Variants in ANKS1B observed in about 807,000 individuals in gnomAD.
ANKS1B encodes the protein ankyrin repeat and sterile alpha motif domain-containing protein 1B.
In ANKS1B, 36 loss-of-function variants were observed where a neutral mutation model predicts 148.3. The ratio of observed to expected loss-of-function variants is 0.24; its 90% CI spans 0.19 to 0.32. ANKS1B has a LOEUF of 0.32. ANKS1B is among the 10% of genes least tolerant of loss of function. The pLI is 1.00. For synonymous variants in ANKS1B, 542 were observed against 560.8 expected, an observed-to-expected ratio of 0.97 and a Z score of 0.47; for missense variants, 1,157 against 1,542.6, an observed-to-expected ratio of 0.75 and a Z score of 4.19.
chr12:99,218,440 GC>G (rs1383024649), intron 14 of ANKS1B, among the ~76,000 whole-genome samples: 1 of 152,144 alleles, frequency 6.6e-6, no homozygotes, highest in Non-Finnish European at 1.5e-5. Flanking sequence ...AGGTCCTGAA[GC>G]CTCTGCAATC....
intron 17 of ANKS1B, among the ~76,000 whole-genome samples, chr12:99,033,895 A>T (rs1436472902): frequency 3.3e-5 from 5 of 152,322 alleles, no homozygotes; most frequent in Admixed American, 3.3e-4. Flanking sequence ...ACTGGTAGTG[A>T]TCCCTATTAG....
intron 8 of ANKS1B, among the ~76,000 whole-genome samples, chr12:99,690,799 C>CA (rs2098675148): frequency 6.6e-6 from 1 of 152,096 alleles, no homozygotes; most frequent in South Asian, 2.1e-4. Flanking sequence ...TCTATGATTC[C>CA]GAGGTTTGGA....
chr12:99,380,804 T>TTC (rs1566991383), intron 12 of ANKS1B, among the ~76,000 whole-genome samples: 5,101 of 100,770 alleles, frequency 0.051, 130 homozygotes, highest in Admixed American at 0.065. Context: ...TTCCTTCCTT[T>TTC]CTCATGCTCC....
intron 9 of ANKS1B, among the ~76,000 whole-genome samples, chr12:99,530,365 A>G (rs925680658): frequency 6.6e-6 from 1 of 152,194 alleles, no homozygotes. Flanking sequence ...TGCAGGTGAG[A>G]AGATCACAAA....
At chr12:99,565,955 T>TTTGTGTGAGGGCCTCTAGGAGG (rs1231628335) in intron 9 of ANKS1B, among the ~76,000 whole-genome samples, 2 of 152,080 alleles carry the variant, frequency 1.3e-5, no homozygotes, top group Admixed American at 1.3e-4. Flanking sequence ...GGCCCTCAGG[T>TTTGTGTGAGGGCCTCTAGGAGG]TTGTGTGAAA....
chr12:98,769,943 C>A (rs2098545335), intron 25 of ANKS1B, among the ~76,000 whole-genome samples: 1 of 152,138 alleles, frequency 6.6e-6, no homozygotes, highest in African/African-American at 2.4e-5. Flanking sequence ...TTATTTATTG[C>A]TTTCACTTTT....
intron 8 of ANKS1B, among the ~76,000 whole-genome samples, chr12:99,704,045 T>C (rs2055320986): frequency 6.6e-6 from 1 of 152,146 alleles, no homozygotes; most frequent in African/African-American, 2.4e-5. Context: ...TTTAAAGAAG[T>C]TAATTTCAAG....
intron 14 of ANKS1B, among the ~76,000 whole-genome samples, chr12:99,227,878 G>GAC (rs1245679874): frequency 6.6e-6 from 1 of 151,942 alleles, no homozygotes; most frequent in Non-Finnish European, 1.5e-5. Context: ...CTATCTTACA[G>GAC]ACACATATCA....
At chr12:99,436,546 T>C (rs2095464200) in intron 11 of ANKS1B, among the ~76,000 whole-genome samples, 1 of 152,088 alleles carries the variant, frequency 6.6e-6, no homozygotes. Flanking sequence ...ATACCCACTC[T>C]CATTTCTAAT....
intron 22 of ANKS1B, among the ~76,000 whole-genome samples, chr12:98,785,370 C>A (rs1023794428): frequency 3.3e-5 from 5 of 151,826 alleles, no homozygotes; most frequent in Admixed American, 3.3e-4. Context: ...TTCAGGAGGC[C>A]GAGGCAGTAG....
intron 15 of ANKS1B, among the ~76,000 whole-genome samples, chr12:99,103,775 C>A (rs1395762124): frequency 1.3e-5 from 2 of 152,196 alleles, no homozygotes; most frequent in South Asian, 2.1e-4. Flanking sequence ...ATAATACCTA[C>A]CTACTACAAT....
intron 8 of ANKS1B, among the ~76,000 whole-genome samples, chr12:99,687,592 C>T (rs1184326917): frequency 6.6e-6 from 1 of 152,056 alleles, no homozygotes; most frequent in African/African-American, 2.4e-5. Flanking sequence ...TTTTCTGCTT[C>T]AGTCCTATCT....
intron 14 of ANKS1B, among the ~76,000 whole-genome samples, chr12:99,202,773 C>T (rs910299560): frequency 1.3e-5 from 2 of 152,196 alleles, no homozygotes; most frequent in Non-Finnish European, 2.9e-5. Flanking sequence ...GGGCTAGGCT[C>T]AGCCAAGTGC....
At chr12:99,829,357 A>C (rs2083625704) in intron 1 of ANKS1B, among the ~76,000 whole-genome samples, 1 of 152,118 alleles carries the variant, frequency 6.6e-6, no homozygotes. Flanking sequence ...TCTACTAAAA[A>C]TACAATAATT....
intron 9 of ANKS1B, among the ~76,000 whole-genome samples, chr12:99,634,811 C>T (rs913911799): frequency 2.0e-4 from 31 of 152,080 alleles, no homozygotes; most frequent in African/African-American, 7.0e-4. Flanking sequence ...GTCAAGGGGA[C>T]ACAATCAACA....
Position 99,463,924 on chromosome 12 carries a change from T to C in ANKS1B, c.1439-20115A>G, listed in dbSNP as rs527310701. 1.1e-4 allele frequency among the ~76,000 whole-genome samples: 17 copies of C among 152,288 alleles called. No homozygotes were observed. In the East Asian group the frequency reaches 2.9e-3, roughly 26 times the overall value. ...GACTTAAATGTCCCTGTCTGACAGC[T>C]TTGAAGAGAGCAGTGGTTCTCCCAG... On this transcript the variant is annotated intron_variant, in intron 10 of 26. Coordinates refer to ENST00000683438, the MANE Select transcript of ANKS1B (RefSeq NM_001352186.2).
intron 14 of ANKS1B, among the ~76,000 whole-genome samples, chr12:99,213,659 G>A (rs1384470149): frequency 6.6e-6 from 1 of 152,190 alleles, no homozygotes; most frequent in Non-Finnish European, 1.5e-5. Flanking sequence ...GCCTTCCCTT[G>A]AGTATGGTTA....
chr12:99,172,516 G>A (rs76071455), intron 14 of ANKS1B, among the ~76,000 whole-genome samples: 2,278 of 152,248 alleles, frequency 0.015, 25 homozygotes, highest in Non-Finnish European at 0.023. Flanking sequence ...TAGTTTCCTA[G>A]AACAAAGTAA....
chr12:98,986,083 A>G (rs184982788), intron 17 of ANKS1B, among the ~76,000 whole-genome samples: 4 of 152,280 alleles, frequency 2.6e-5, no homozygotes, highest in Non-Finnish European at 5.9e-5. Flanking sequence ...ATTTTTAACA[A>G]GAAGTTTGTA....
Sources: allele counts gnomAD v4.1 joint callset (sites outside exome capture counted in the v4.1 genomes callset), GRCh38; gene constraint gnomAD v4.1.1; transcripts MANE v1.5; gene names NCBI Gene and HGNC (gene_info 2026-07-23, HGNC 2026-07-21).